Variants in STK17A observed in about 807,000 individuals in gnomAD.
STK17A encodes serine/threonine kinase 17a.
A neutral mutation model predicts 43.7 loss-of-function variants in STK17A; 26 were observed. The observed-to-expected ratio is 0.60, with a 90% confidence interval of 0.44 to 0.83. The LOEUF is 0.83. Among genes scored for constraint, STK17A ranks in the 40% least tolerant of loss-of-function variants. The pLI, the probability that STK17A is intolerant of heterozygous loss-of-function variation, is 0.00. For synonymous variants in STK17A, 191 were observed against 182.5 expected (o/e 1.05, Z -0.38); for missense variants, 476 against 511.6 (o/e 0.93, Z 0.67).
Position 43,583,371 on chromosome 7 carries a change from T to C in STK17A, c.128T>C (p.Leu43Pro). ...CCGCCGCCCCAGGCCCGCGGGCTGC[T>C]GACAGAGATACGCGCCGTGGTGCGC... ...PPPPPQARGLLTEIRAVVRTE... is the reference protein window; with the variant it reads ...PPPPPQARGLPTEIRAVVRTE... The change falls in exon 1 of 7, where the codon CTG becomes CCG. Residue 43 changes from leucine to proline, a missense_variant. Physicochemically the swap from Leu to Pro is moderately conservative, Grantham distance 98. Coordinates refer to ENST00000319357, the MANE Select transcript of STK17A (RefSeq NM_004760.3). 1 of 1,447,978 alleles carries C rather than the reference T, an allele frequency of 6.9e-7. No individual in the cohort carries two copies. Among genetic ancestry groups the C allele is most frequent in the East Asian group, 3.1e-5 (1 of 32,500 alleles). 89.7% of individuals were successfully genotyped at this position (1,447,978 alleles called of 1,614,324 possible). A position where few individuals can be genotyped will look rare whatever the true frequency, so the allele number is the denominator to read the frequency against.
intron 2 of STK17A, among the ~76,000 whole-genome samples, chr7:43,598,014 A>G (rs768529487): frequency 3.9e-5 from 6 of 152,198 alleles, no homozygotes; most frequent in Non-Finnish European, 8.8e-5. Context: ...TCCAATTATT[A>G]TGTCAATTAA....
At chr7:43,594,850 A>G (rs1435319897) in intron 1 of STK17A, among the ~76,000 whole-genome samples, 5 of 149,910 alleles carry the variant, frequency 3.3e-5, no homozygotes, top group Non-Finnish European at 7.4e-5. Context: ...TACTAGCCTG[A>G]GCAACATAGA....
intron 1 of STK17A, among the ~76,000 whole-genome samples, chr7:43,585,118 A>C (rs1390737508): frequency 6.6e-6 from 1 of 151,670 alleles, no homozygotes; most frequent in Non-Finnish European, 1.5e-5. Context: ...AATCACTTGA[A>C]CCCGGGAGGC....
rs150169836 is a variant in STK17A at position 43,585,805 on chromosome 7, A to G, written c.206+2356A>G. On this transcript the variant is annotated intron_variant, in intron 1 of 6. Coordinates refer to ENST00000319357, the MANE Select transcript of STK17A (RefSeq NM_004760.3). ...GCTTAGCTTAGGGGAAGCACTCAAT[A>G]AATGTAATTCATGGTGTAATTCAAT... Among the ~76,000 whole-genome samples the G allele has an allele frequency of 2.6e-4, 39 of 151,510 alleles. 4 individuals carry two copies. Among genetic ancestry groups the G allele is most frequent in the Admixed American group, 5.3e-4 (8 of 15,238 alleles).
Position 43,619,740 on chromosome 7 carries a change from G to A in STK17A, c.691+17G>A. The A allele has an allele frequency of 6.2e-7, 1 of 1,612,330 alleles. No homozygotes were observed. The highest frequency in any genetic ancestry group is 1.1e-5 in the South Asian group (1 of 90,692). ...AATATGTGGGTAAGTATTCATAAAA[G>A]TAGTTTTGTTCTGGGGTCAGGCATC... On this transcript the variant is annotated intron_variant, in intron 4 of 6. Transcript: ENST00000319357.
rs968906747 is a variant in STK17A, at chr7:43,608,134, T to A, written c.420-122T>A. 13 of 1,003,212 alleles carry A rather than the reference T, an allele frequency of 1.3e-5. No homozygotes were observed. In the Middle Eastern group the frequency reaches 6.7e-4, roughly 52 times the overall value. The allele number at this position is 1,003,212 out of a possible 1,614,324, so 62.1% of individuals were successfully genotyped here. On this transcript the variant is annotated intron_variant, in intron 2 of 6. Coordinates refer to ENST00000319357, the MANE Select transcript of STK17A (RefSeq NM_004760.3). Reference sequence around the variant, plus strand: ...CCATCTCTATTTTTCAAAATAAAAATACATTTTTTAAAAAAGGTATACAGT... The same window carrying A: ...CCATCTCTATTTTTCAAAATAAAAAAACATTTTTTAAAAAAGGTATACAGT...
Position 43,618,598 on chromosome 7 carries a change from T to TAAA in STK17A, c.565-997_565-996insAAA, listed in dbSNP as rs1204242538. On this transcript the variant is annotated intron_variant, in intron 3 of 6. Coordinates refer to ENST00000319357, the MANE Select transcript of STK17A (RefSeq NM_004760.3). Reference sequence around the variant, plus strand: ...GAAAACATTAAGTGAGGACCCTTTATAATGCAAGCACAAACTTTCCTTTCA... The same window carrying TAAA: ...GAAAACATTAAGTGAGGACCCTTTATAAAAATGCAAGCACAAACTTTCCTTTCA... Among the ~76,000 whole-genome samples, 4 of 152,376 alleles carry TAAA rather than the reference T, an allele frequency of 2.6e-5. No homozygotes were observed. The East Asian group carries it at 5.8e-4, about 22-fold the overall frequency.
chr7:43,623,891 A>G lies in STK17A; in HGVS notation c.920+3A>G, dbSNP rs1032123364. On this transcript the variant is annotated splice_donor_region_variant and intron_variant, in intron 6 of 6. Transcript: ENST00000319357. Reference sequence around the variant, plus strand: ...ACACTTTTAGTTAAGAAACCTGAGTAAGTATTATTTTTATTAGTTTAATAT... The same window carrying G: ...ACACTTTTAGTTAAGAAACCTGAGTGAGTATTATTTTTATTAGTTTAATAT... 1.3e-6 allele frequency: 2 copies of G among 1,508,118 alleles called. No individual in the cohort carries two copies. The highest frequency in any genetic ancestry group is 1.4e-5 in the African/African-American group (1 of 71,062). 93.4% of individuals were successfully genotyped at this position (1,508,118 alleles called of 1,614,324 possible).
chr7:43,595,345 T>G (rs976431308), intron 1 of STK17A, among the ~76,000 whole-genome samples: 1 of 147,806 alleles, frequency 6.8e-6, no homozygotes, highest in Admixed American at 6.9e-5. Flanking sequence ...TGGCATGATC[T>G]CAGCTCGCTG....
intron 3 of STK17A, among the ~76,000 whole-genome samples, chr7:43,616,948 C>T (rs2083408993): frequency 6.6e-6 from 1 of 152,194 alleles, no homozygotes; most frequent in South Asian, 2.1e-4. Context: ...ATTGTAGCCC[C>T]TCTCATCTAT....
intron 1 of STK17A, among the ~76,000 whole-genome samples, chr7:43,587,164 T>G (rs1472775651): frequency 1.4e-5 from 2 of 143,338 alleles, no homozygotes; most frequent in African/African-American, 2.5e-5. Flanking sequence ...GTTTTTTTTT[T>G]TTTTTTTTGA....
intron 1 of STK17A, among the ~76,000 whole-genome samples, chr7:43,589,686 C>A (rs1424494780): frequency 7.0e-6 from 1 of 142,500 alleles, no homozygotes; most frequent in African/African-American, 2.5e-5. Flanking sequence ...TTTCTCCTCT[C>A]ATCTCTGCGT....
At position 43,625,106 on chromosome 7, in the gene STK17A, T is replaced by TG; in HGVS notation, c.*264_*265insG. ...GCACCTTTGAATTCTACATCCTGTT[T>TG]CTCCAGAATGAGAATTTGTGTACAA... is the stretch of plus-strand genomic sequence containing the variant. On this transcript the variant is annotated 3_prime_UTR_variant, in exon 7 of 7. Transcript: ENST00000319357. 6.5e-6 allele frequency: 2 copies of TG among 307,834 alleles called. No individual in the cohort carries two copies. Among genetic ancestry groups the TG allele is most frequent in the South Asian group, 1.5e-4 (2 of 13,390 alleles). The allele number at this position is 307,834 out of a possible 1,614,324, so 19.1% of individuals were successfully genotyped here.
intron 3 of STK17A, among the ~76,000 whole-genome samples, chr7:43,615,568 T>G (rs1423604711): frequency 6.6e-6 from 1 of 152,096 alleles, no homozygotes; most frequent in Non-Finnish European, 1.5e-5. Context: ...TACATAGGTG[T>G]TTTTTTCGTG....
At chr7:43,617,904 G>C (rs953879652) in intron 3 of STK17A, among the ~76,000 whole-genome samples, 2 of 152,218 alleles carry the variant, frequency 1.3e-5, no homozygotes, top group Admixed American at 1.3e-4. Flanking sequence ...AGCCAGGACA[G>C]TGTTTTGTCA....
rs2153030305 is a variant in STK17A at position 43,626,379 on chromosome 7, C to T, written c.*1537C>T. 6.6e-6 allele frequency: 1 copy of T among 152,344 alleles called. No individual in the cohort carries two copies. Among genetic ancestry groups the T allele is most frequent in the South Asian group, 2.1e-4 (1 of 4,824 alleles). 9.4% of individuals were successfully genotyped at this position (152,344 alleles called of 1,614,324 possible). On this transcript the variant is annotated 3_prime_UTR_variant, in exon 7 of 7. Coordinates refer to ENST00000319357, the MANE Select transcript of STK17A (RefSeq NM_004760.3). ...GTCCTGCTGTGTGAACCTGTCAAAGCACCTGGGAGTGCCCTTTACACCATT... is the reference window on the plus strand; with the variant it reads ...GTCCTGCTGTGTGAACCTGTCAAAGTACCTGGGAGTGCCCTTTACACCATT...
At position 43,583,194 on chromosome 7, in the gene STK17A, C is replaced by T. The variant is rs527791988; in HGVS notation, c.-50C>T. 1.7e-4 allele frequency: 261 copies of T among 1,541,882 alleles called. 6 individuals are homozygous for T. In the South Asian group the frequency reaches 2.5e-3, roughly 15 times the overall value. Reference sequence around the variant, plus strand: ...AGCCGGGGGCGGGTCCGTGACCCTCCGGCTGCTCGGAGTGAACAGGCGGCC... The same window carrying T: ...AGCCGGGGGCGGGTCCGTGACCCTCTGGCTGCTCGGAGTGAACAGGCGGCC... On this transcript the variant is annotated 5_prime_UTR_variant, in exon 1 of 7. Coordinates refer to ENST00000319357, the MANE Select transcript of STK17A (RefSeq NM_004760.3).
At chr7:43,624,268 TC>T (rs1389040905) in intron 6 of STK17A, among the ~76,000 whole-genome samples, 1 of 152,194 alleles carries the variant, frequency 6.6e-6, no homozygotes, top group East Asian at 1.9e-4. Context: ...TCCCATCTGT[TC>T]TTGGTGTCTC....
chr7:43,606,911 A>ATTTTGTTTTTT (rs2082597090), intron 2 of STK17A, among the ~76,000 whole-genome samples: 1 of 58,432 alleles, frequency 1.7e-5, no homozygotes, highest in African/African-American at 6.8e-5. Context: ...TAGCTTTTCG[A>ATTTTGTTTTTT]TTTTCTTTTT....
Sources: gnomAD v4.1 joint callset for allele counts (sites outside exome capture counted in the v4.1 genomes callset) on GRCh38, gnomAD v4.1.1 for gene constraint, MANE v1.5 for transcripts, NCBI Gene and HGNC (gene_info 2026-07-23, HGNC 2026-07-21) for gene names.